PTPRT: variants seen among roughly 807,000 people sequenced by gnomAD.
PTPRT encodes receptor-type tyrosine-protein phosphatase T.
PTPRT carries 56 observed loss-of-function variants against 176.8 expected under a neutral mutation model. That is an observed-to-expected ratio of 0.32 (90% CI 0.26 to 0.40). The LOEUF is 0.40. Among genes scored for constraint, PTPRT ranks in the 10% least tolerant of loss-of-function variants. The pLI is 1.00. For missense variants in PTPRT, 1,540 were observed against 1,908.2 expected, an observed-to-expected ratio of 0.81 and a Z score of 3.60; for synonymous variants, 783 against 739.0, an observed-to-expected ratio of 1.06 and a Z score of -0.96.
chr20:42,887,812 C>T (rs1390869492), intron 1 of PTPRT, among the ~76,000 whole-genome samples: 2 of 152,148 alleles, frequency 1.3e-5, no homozygotes, highest in Non-Finnish European at 2.9e-5. Context: ...TGCGTGTTCC[C>T]CTTAAATTCA....
intron 12 of PTPRT, among the ~76,000 whole-genome samples, chr20:42,290,508 A>G (rs2057300874): frequency 6.6e-6 from 1 of 152,082 alleles, no homozygotes; most frequent in African/African-American, 2.4e-5. Flanking sequence ...CTTTGGTAGA[A>G]TAGGCAGGCC....
At chr20:42,350,399 A>G (rs1254761022) in intron 11 of PTPRT, among the ~76,000 whole-genome samples, 2 of 151,656 alleles carry the variant, frequency 1.3e-5, no homozygotes, top group African/African-American at 4.8e-5. Flanking sequence ...CAGCTAATTT[A>G]AAAAATTTTT....
At chr20:42,884,816 T>C (rs937062550) in intron 2 of PTPRT, among the ~76,000 whole-genome samples, 2 of 152,150 alleles carry the variant, frequency 1.3e-5, no homozygotes, top group Non-Finnish European at 2.9e-5. Flanking sequence ...CAGTTGTCTT[T>C]ACAACTGCAG....
At chr20:42,288,661 C>T (rs1373425249) in intron 12 of PTPRT, among the ~76,000 whole-genome samples, 1 of 151,960 alleles carries the variant, frequency 6.6e-6, no homozygotes, top group East Asian at 1.9e-4. Context: ...ATAATGGCTT[C>T]CAGGTACATC....
intron 1 of PTPRT, among the ~76,000 whole-genome samples, chr20:42,965,590 T>G (rs1459661058): frequency 6.6e-6 from 1 of 152,212 alleles, no homozygotes; most frequent in Non-Finnish European, 1.5e-5. Context: ...GGTACCAGGC[T>G]GATTCCAGCA....
chr20:42,609,634 T>C (rs2073940496), intron 7 of PTPRT, among the ~76,000 whole-genome samples: 2 of 152,270 alleles, frequency 1.3e-5, no homozygotes, highest in Non-Finnish European at 2.9e-5. Flanking sequence ...TACCAAGATA[T>C]GGAATCCATC....
chr20:42,684,412 T>A (rs1340762198), intron 6 of PTPRT, among the ~76,000 whole-genome samples: 1 of 152,050 alleles, frequency 6.6e-6, no homozygotes, highest in East Asian at 1.9e-4. Flanking sequence ...ATATCTGATG[T>A]CTTACTTAAA....
intron 1 of PTPRT, among the ~76,000 whole-genome samples, chr20:42,922,490 T>C (rs1458501016): frequency 6.6e-6 from 1 of 152,218 alleles, no homozygotes; most frequent in Non-Finnish European, 1.5e-5. Context: ...GGATGTCCAG[T>C]AGACATCTCA....
rs373506542 is a variant in PTPRT at position 42,142,159 on chromosome 20, G to T, written c.2683-157C>A. 9.2e-5 allele frequency among the ~76,000 whole-genome samples: 14 copies of T among 152,326 alleles called. 2 individuals carry two copies. In the East Asian group the frequency reaches 2.1e-3, roughly 23 times the overall value. On this transcript the variant is annotated intron_variant, in intron 17 of 30. Transcript: ENST00000373187. ...GGGGCCTGGGGAGGACATAGATTTTGTCTGTCCCTGGACCTATTCTCTTGT... is the reference window on the plus strand; with the variant it reads ...GGGGCCTGGGGAGGACATAGATTTTTTCTGTCCCTGGACCTATTCTCTTGT...
At chr20:42,320,374 C>G (rs1383834358) in intron 11 of PTPRT, among the ~76,000 whole-genome samples, 3 of 152,148 alleles carry the variant, frequency 2.0e-5, no homozygotes, top group Non-Finnish European at 4.4e-5. Context: ...ATCAGAGCCT[C>G]CTTCCATCAG....
chr20:42,436,527 G>A (rs1412984761), intron 9 of PTPRT, among the ~76,000 whole-genome samples: 1 of 152,168 alleles, frequency 6.6e-6, no homozygotes, highest in Non-Finnish European at 1.5e-5. Flanking sequence ...GAAGAATCTT[G>A]ACAACACCAA....
intron 30 of PTPRT, 86 bp downstream of exon 30, chr20:42,081,796 G>T: frequency 1.3e-6 from 2 of 1,505,466 alleles, no homozygotes; most frequent in Non-Finnish European, 9.2e-7. Flanking sequence ...CAGGTGTTGA[G>T]TGATGTTACT....
chr20:42,083,971 T>A (rs912649598), intron 29 of PTPRT, among the ~76,000 whole-genome samples: 9 of 152,230 alleles, frequency 5.9e-5, no homozygotes, highest in Admixed American at 1.3e-4. Flanking sequence ...TACGTTTGCA[T>A]ATTTGCTACC....
chr20:42,916,284 GGA>G (rs1978749815), intron 1 of PTPRT, among the ~76,000 whole-genome samples: 1 of 152,074 alleles, frequency 6.6e-6, no homozygotes, highest in Non-Finnish European at 1.5e-5. Context: ...TCCCTACAAA[GGA>G]CATGAACTCA....
chr20:43,038,837 T>G (rs539065337), intron 1 of PTPRT, among the ~76,000 whole-genome samples: 1 of 151,994 alleles, frequency 6.6e-6, no homozygotes, highest in Non-Finnish European at 1.5e-5. Context: ...ATTTAACCCA[T>G]ATACAAAAGA....
rs536480628 is a variant in PTPRT, at chr20:42,310,930, A to G, written c.2139+4793T>C. 8.5e-5 allele frequency among the ~76,000 whole-genome samples: 13 copies of G among 152,336 alleles called. No homozygotes were observed. In the South Asian group the frequency reaches 2.7e-3, roughly 32 times the overall value. On this transcript the variant is annotated intron_variant, in intron 12 of 30. Transcript: ENST00000373187. The stretch of plus-strand genomic sequence containing the variant: ...AATGCCTGCAAGAACCCTGAGCAAC[A>G]TATCTTATAGTGCATGCCACACTTG...
intron 2 of PTPRT, among the ~76,000 whole-genome samples, chr20:42,848,760 ACTGT>A (rs1434225234): frequency 6.6e-6 from 1 of 151,846 alleles, no homozygotes; most frequent in Non-Finnish European, 1.5e-5. Flanking sequence ...CATTTTGTGG[ACTGT>A]CTGTTTATTC....
At chr20:42,124,650 G>A (rs1987762622) in intron 19 of PTPRT, among the ~76,000 whole-genome samples, 1 of 152,228 alleles carries the variant, frequency 6.6e-6, no homozygotes, top group South Asian at 2.1e-4. Context: ...GATTGTGGCT[G>A]CGTTGGAGAC....
At chr20:42,962,203 C>T (rs772464140) in intron 1 of PTPRT, among the ~76,000 whole-genome samples, 2 of 152,182 alleles carry the variant, frequency 1.3e-5, no homozygotes, top group Non-Finnish European at 2.9e-5. Flanking sequence ...GCTCCTACAC[C>T]TTCTGCCTAG....
Sources: gnomAD v4.1 joint callset for allele counts (sites outside exome capture counted in the v4.1 genomes callset) on GRCh38, gnomAD v4.1.1 for gene constraint, MANE v1.5 for transcripts, NCBI Gene and HGNC (gene_info 2026-07-23, HGNC 2026-07-21) for gene names.